Variants in RAB19 observed in about 807,000 individuals in gnomAD.
The protein encoded by RAB19 is ras-related protein Rab-19.
RAB19 carries 21 observed loss-of-function variants against 17.3 expected under a neutral mutation model. The observed-to-expected ratio is 1.21, with a 90% CI of 0.86 to 1.74. The LOEUF (loss-of-function observed/expected upper bound fraction) is 1.74, where lower values mean the gene tolerates loss of function less well. Among genes scored for constraint, RAB19 ranks in the 40% most tolerant of loss-of-function variants. RAB19 has a pLI of 0.00. For missense variants in RAB19, 277 were observed against 286.8 expected, an observed-to-expected ratio of 0.97 and a Z score of 0.25; for synonymous variants, 126 against 110.4, an observed-to-expected ratio of 1.14 and a Z score of -0.88.
At chr7:140,411,443 C>T (rs909193418) in intron 2 of RAB19, among the ~76,000 whole-genome samples, 1 of 151,798 alleles carries the variant, frequency 6.6e-6, no homozygotes. Flanking sequence ...TCCCTTAAAT[C>T]GGCTGTCCAA....
Position 140,407,626 on chromosome 7 carries a change from C to T in RAB19, c.-21C>T. 1 of 1,612,394 alleles carries T rather than the reference C, an allele frequency of 6.2e-7. No individual in the cohort carries two copies. Among genetic ancestry groups the T allele is most frequent in the African/African-American group, 1.3e-5 (1 of 75,024 alleles). ...TGAATTCCATCCTTTCTTCCTAGTT[C>T]TGTTCTAGGTGGCAAGAACCATGCA... On this transcript the variant is annotated splice_region_variant and 5_prime_UTR_variant, in exon 2 of 4. Coordinates refer to ENST00000537763, the MANE Select transcript of RAB19 (RefSeq NM_001008749.3).
chr7:140,407,880 CTTT>C (rs71170993), intron 2 of RAB19, 33 bp downstream of exon 2: 39,286 of 627,486 alleles, frequency 0.063, 764 homozygotes, highest in East Asian at 0.17. Context: ...CTGGTTCCAC[CTTT>C]TTTTTTTTTT....
intron 2 of RAB19, among the ~76,000 whole-genome samples, chr7:140,409,517 A>G (rs1799311222): frequency 1.3e-5 from 2 of 151,790 alleles, no homozygotes; most frequent in African/African-American, 2.4e-5. Flanking sequence ...CAACGGGGGG[A>G]AACCCCATCT....
chr7:140,410,886 G>A lies in RAB19; in HGVS notation c.202-988G>A, dbSNP rs1191439997. 3.7e-6 allele frequency: 5 copies of A among 1,349,156 alleles called. No individual in the cohort carries two copies. In the African/African-American group the frequency reaches 5.9e-5, roughly 16 times the overall value. 83.6% of individuals were successfully genotyped at this position (1,349,156 alleles called of 1,614,324 possible). On this transcript the variant is annotated intron_variant, in intron 2 of 3. Transcript: ENST00000537763. The stretch of plus-strand genomic sequence containing the variant: ...GACACTGTGAGAGGCTGTGTGAATT[G>A]GTGCTGCCGCTTGGGTGGCTAATTT...
At chr7:140,407,390 T>C (rs1006642591) in intron 1 of RAB19, among the ~76,000 whole-genome samples, 1 of 152,184 alleles carries the variant, frequency 6.6e-6, no homozygotes, top group Non-Finnish European at 1.5e-5. Flanking sequence ...GACCGTCCAC[T>C]GGACCCACCA....
chr7:140,407,582 G>A (rs1799266524), intron 1 of RAB19, 42 bp from the exon 2 acceptor site: 1 of 1,483,656 alleles, frequency 6.7e-7, no homozygotes, highest in Non-Finnish European at 9.4e-7. Context: ...TCTTGTACTG[G>A]ATCCCCAGTT....
chr7:140,423,755 G>T (rs1295718634), intron 3 of RAB19, among the ~76,000 whole-genome samples: 3 of 152,220 alleles, frequency 2.0e-5, no homozygotes, highest in Non-Finnish European at 4.4e-5. Flanking sequence ...CTGTGGTGGT[G>T]ATTGAAGGAA....
chr7:140,427,141 C>CTTTTTTT lies in RAB19; in HGVS notation c.*1006_*1012dup, dbSNP rs34940659. ...ACAGGCATGAGCCACCATGCCTGTT[C>CTTTTTTT]TTTTTTTTTTTTTTTTTTTTTGAGA... On this transcript the variant is annotated 3_prime_UTR_variant, in exon 4 of 4. Transcript: ENST00000537763. 1.1e-5 allele frequency among the ~76,000 whole-genome samples: 1 copy of CTTTTTTT among 94,436 alleles called. No individual in the cohort carries two copies. 62.0% of individuals were successfully genotyped at this position (94,436 alleles called of 152,430 possible). A position where few individuals can be genotyped will look rare whatever the true frequency, so the allele number is the denominator to read the frequency against.
chr7:140,407,949 C>T (rs537905290), intron 2 of RAB19, 102 bp downstream of exon 2: 62 of 954,292 alleles, frequency 6.5e-5, no homozygotes, highest in Non-Finnish European at 8.7e-5. Context: ...ACTGCAAGCT[C>T]CGCCTCCCGG....
intron 3 of RAB19, 75 bp downstream of exon 3, chr7:140,412,132 G>T: frequency 7.1e-7 from 1 of 1,409,420 alleles, no homozygotes. Context: ...TGTTTCTAAT[G>T]ACAGTGGAAA....
intron 3 of RAB19, among the ~76,000 whole-genome samples, chr7:140,418,089 G>T (rs1345018142): frequency 1.3e-5 from 2 of 152,064 alleles, no homozygotes; most frequent in African/African-American, 4.8e-5. Context: ...AACTTCTTTG[G>T]GGATCATTAT....
chr7:140,426,274 A>C lies in RAB19; in HGVS notation c.*124A>C. ...AGCGTGGACTTGCCGCTCACCCCTA[A>C]TCCTCCCAGTCTGGATGGGCCACAC... On this transcript the variant is annotated 3_prime_UTR_variant, in exon 4 of 4. Coordinates refer to ENST00000537763, the MANE Select transcript of RAB19 (RefSeq NM_001008749.3). The C allele has an allele frequency of 3.6e-6, 4 of 1,114,444 alleles. No individual in the cohort carries two copies. Among genetic ancestry groups the C allele is most frequent in the Non-Finnish European group, 5.0e-6 (4 of 798,720 alleles). The allele number at this position is 1,114,444 out of a possible 1,614,324, so 69.0% of individuals were successfully genotyped here.
At chr7:140,412,143 A>G in intron 3 of RAB19, 86 bp downstream of exon 3, 1 of 1,357,082 alleles carries the variant, frequency 7.4e-7, no homozygotes, top group South Asian at 1.2e-5. Flanking sequence ...ACAGTGGAAA[A>G]TGAAATCTTA....
intron 1 of RAB19, among the ~76,000 whole-genome samples, chr7:140,405,297 T>C (rs1799216375): frequency 6.6e-6 from 1 of 152,188 alleles, no homozygotes; most frequent in South Asian, 2.1e-4. Flanking sequence ...CTCGGCTCAC[T>C]GCAACCTCTG....
intron 3 of RAB19, among the ~76,000 whole-genome samples, chr7:140,416,715 C>T (rs1011832119): frequency 3.9e-5 from 6 of 152,182 alleles, no homozygotes; most frequent in African/African-American, 1.4e-4. Context: ...GCAGCCCTGG[C>T]TGTTGGCGGG....
chr7:140,407,490 C>G lies in RAB19; in HGVS notation c.-23-134C>G. The G allele has an allele frequency of 4.7e-6, 3 of 635,402 alleles. No homozygotes were observed. In the South Asian group the frequency reaches 5.6e-5, roughly 12 times the overall value. 39.4% of individuals were successfully genotyped at this position (635,402 alleles called of 1,614,324 possible). A position where few individuals can be genotyped will look rare whatever the true frequency, so the allele number is the denominator to read the frequency against. On this transcript the variant is annotated intron_variant, in intron 1 of 3. Coordinates refer to ENST00000537763, the MANE Select transcript of RAB19 (RefSeq NM_001008749.3). ...CAGATGTCAGCTTATGGGGACAACT[C>G]CTCTGTGCCCGACTAGCATCATTAG...
At chr7:140,407,223 C>T (rs1346123348) in intron 1 of RAB19, among the ~76,000 whole-genome samples, 1 of 152,078 alleles carries the variant, frequency 6.6e-6, no homozygotes, top group Non-Finnish European at 1.5e-5. Flanking sequence ...ATCTTTCTCC[C>T]CAGGTGAAAT....
chr7:140,414,759 T>C (rs1799425314), intron 3 of RAB19, among the ~76,000 whole-genome samples: 1 of 152,168 alleles, frequency 6.6e-6, no homozygotes, highest in Non-Finnish European at 1.5e-5. Context: ...TGCTTCTTTC[T>C]GTCTCAGAAG....
chr7:140,423,859 T>C (rs1389188429), intron 3 of RAB19, among the ~76,000 whole-genome samples: 3 of 152,132 alleles, frequency 2.0e-5, no homozygotes, highest in South Asian at 2.1e-4. Flanking sequence ...AACTTTTTTT[T>C]CCTTTTTTTT....
Sources: gnomAD v4.1 joint callset for allele counts (sites outside exome capture counted in the v4.1 genomes callset) on GRCh38, gnomAD v4.1.1 for gene constraint, MANE v1.5 for transcripts, NCBI Gene and HGNC (gene_info 2026-07-23, HGNC 2026-07-21) for gene names.